The following PCCA variants were observed in gnomAD, a reference collection of about 807,000 sequenced individuals.
The protein encoded by PCCA is propionyl-CoA carboxylase subunit alpha, also known as propionyl-CoA carboxylase alpha chain, mitochondrial.
In PCCA, 74 loss-of-function variants were observed where a neutral mutation model predicts 101.3. The ratio of observed to expected loss-of-function variants is 0.73; its 90% CI spans 0.61 to 0.89. The LOEUF (loss-of-function observed/expected upper bound fraction) is 0.89. Among genes scored for constraint, PCCA ranks in the 40% least tolerant of loss-of-function variants. The pLI is 0.00. For missense variants in PCCA, 891 were observed against 907.0 expected, an observed-to-expected ratio of 0.98 and a Z score of 0.23; for synonymous variants, 294 against 313.6, an observed-to-expected ratio of 0.94 and a Z score of 0.66.
intron 2 of PCCA, among the ~76,000 whole-genome samples, chr13:100,107,667 G>GT (rs1319333561): frequency 1.3e-5 from 2 of 152,166 alleles, no homozygotes; most frequent in Non-Finnish European, 2.9e-5. Context: ...AGTGAACTTT[G>GT]TAAGTGATTT....
intron 19 of PCCA, among the ~76,000 whole-genome samples, chr13:100,388,370 G>A (rs2076627527): frequency 6.6e-6 from 1 of 152,142 alleles, no homozygotes; most frequent in African/African-American, 2.4e-5. Flanking sequence ...GGGCTAAGGT[G>A]GGAGGATCAA....
intron 21 of PCCA, among the ~76,000 whole-genome samples, chr13:100,458,379 C>CAG (rs1394153055): frequency 2.0e-5 from 3 of 147,778 alleles, no homozygotes; most frequent in Non-Finnish European, 4.5e-5. Context: ...CACACACACA[C>CAG]ACACACACGC....
At chr13:100,492,996 G>T (rs558816853) in intron 21 of PCCA, among the ~76,000 whole-genome samples, 40 of 152,076 alleles carry the variant, frequency 2.6e-4, no homozygotes, top group African/African-American at 9.6e-4. Context: ...GCTGGACAAA[G>T]ACTTGGGTAC....
chr13:100,335,279 A>AT (rs1555423815), intron 17 of PCCA, among the ~76,000 whole-genome samples: 2 of 152,124 alleles, frequency 1.3e-5, no homozygotes, highest in African/African-American at 2.4e-5. Flanking sequence ...AAATATACAT[A>AT]TTTTTCCCCC....
chr13:100,465,737 C>A (rs1055110996), intron 21 of PCCA, among the ~76,000 whole-genome samples: 1 of 152,106 alleles, frequency 6.6e-6, no homozygotes, highest in African/African-American at 2.4e-5. Context: ...AAATTGTCTC[C>A]AAATATTGCC....
chr13:100,215,760 C>G (rs899926020), intron 7 of PCCA, among the ~76,000 whole-genome samples: 2 of 152,100 alleles, frequency 1.3e-5, no homozygotes, highest in African/African-American at 4.8e-5. Context: ...CCACCTCAGC[C>G]TCTCAAGTAG....
At chr13:100,145,030 G>A (rs1397898415) in intron 4 of PCCA, among the ~76,000 whole-genome samples, 2 of 152,156 alleles carry the variant, frequency 1.3e-5, no homozygotes, top group African/African-American at 2.4e-5. Context: ...CAGATGATTC[G>A]TAAACAGGTA....
chr13:100,282,150 T>C (rs913777543), intron 12 of PCCA, among the ~76,000 whole-genome samples: 6 of 152,254 alleles, frequency 3.9e-5, no homozygotes, highest in African/African-American at 1.4e-4. Flanking sequence ...TGTAGGTATT[T>C]GCTTATTGTT....
In PCCA at chr13:100,123,180, C is replaced by T. The variant is rs374016249; in HGVS notation, c.300+11119C>T. ...CAAGCATTCTCATGCCTCAGCCTCC[C>T]GAGTAGCTAGGATTACAGGTGCCTG... On this transcript the variant is annotated intron_variant, in intron 4 of 23. Coordinates refer to ENST00000376285, the MANE Select transcript of PCCA (RefSeq NM_000282.4). Among the ~76,000 whole-genome samples the T allele has an allele frequency of 1.2e-4, 19 of 152,250 alleles. No homozygotes were observed. In the East Asian group the frequency reaches 3.3e-3, roughly 26 times the overall value.
chr13:100,248,106 T>A lies in PCCA; in HGVS notation c.638-9489T>A, dbSNP rs539275070. Among the ~76,000 whole-genome samples, 194 of 152,322 alleles carry A rather than the reference T, an allele frequency of 1.3e-3. 1 individual carries two copies. The highest frequency in any genetic ancestry group is 7.7e-4 in the East Asian group (4 of 5,190). On this transcript the variant is annotated intron_variant, in intron 8 of 23. Transcript: ENST00000376285. The stretch of plus-strand genomic sequence containing the variant: ...TCTCTTGTAAGTGCACATCTAAATT[T>A]GGACTGGATTTTTATTTTATTGTTT...
chr13:100,158,359 A>G (rs889097242), intron 6 of PCCA, among the ~76,000 whole-genome samples: 8 of 152,180 alleles, frequency 5.3e-5, no homozygotes, highest in African/African-American at 1.9e-4. Flanking sequence ...TATTTTCTAG[A>G]TGGAATTTCC....
intron 18 of PCCA, among the ~76,000 whole-genome samples, chr13:100,341,970 T>TAC (rs2071402730): frequency 9.0e-6 from 1 of 110,824 alleles, no homozygotes; most frequent in Middle Eastern, 5.0e-3. Flanking sequence ...TATATATATA[T>TAC]ATATATATAT....
At chr13:100,122,879 T>C (rs1009354191) in intron 4 of PCCA, among the ~76,000 whole-genome samples, 1 of 152,204 alleles carries the variant, frequency 6.6e-6, no homozygotes, top group Non-Finnish European at 1.5e-5. Flanking sequence ...TCTTGCTGTG[T>C]CCTCACATGG....
intron 7 of PCCA, among the ~76,000 whole-genome samples, chr13:100,210,284 G>C (rs2059128587): frequency 6.6e-6 from 1 of 152,160 alleles, no homozygotes; most frequent in Non-Finnish European, 1.5e-5. Context: ...GGCCAACTTG[G>C]ATTGTTTTAA....
At chr13:100,503,090 G>A (rs754996904) in intron 21 of PCCA, among the ~76,000 whole-genome samples, 10 of 152,208 alleles carry the variant, frequency 6.6e-5, no homozygotes, top group African/African-American at 1.4e-4. Context: ...TGTCCAGTGG[G>A]AGTTGTCTGG....
chr13:100,347,383 C>A (rs1013154470), intron 18 of PCCA, among the ~76,000 whole-genome samples: 1 of 152,160 alleles, frequency 6.6e-6, no homozygotes, highest in African/African-American at 2.4e-5. Context: ...AAAATGCATT[C>A]TGAAACTCTT....
intron 21 of PCCA, among the ~76,000 whole-genome samples, chr13:100,471,629 C>T (rs550521561): frequency 3.9e-5 from 6 of 152,180 alleles, no homozygotes; most frequent in Admixed American, 1.3e-4. Context: ...ATTTGCCCAT[C>T]GGTAGAGTTT....
At chr13:100,389,451 G>A (rs530680365) in intron 19 of PCCA, among the ~76,000 whole-genome samples, 7 of 152,198 alleles carry the variant, frequency 4.6e-5, no homozygotes, top group African/African-American at 1.7e-4. Context: ...AAGAACACAT[G>A]GACACAAGGG....
intron 4 of PCCA, among the ~76,000 whole-genome samples, chr13:100,133,168 T>C (rs2050728088): frequency 6.6e-6 from 1 of 152,246 alleles, no homozygotes; most frequent in Non-Finnish European, 1.5e-5. Context: ...GATGACCTTC[T>C]TCTCATGTGC....
Sources: allele counts gnomAD v4.1 joint callset (sites outside exome capture counted in the v4.1 genomes callset), GRCh38; gene constraint gnomAD v4.1.1; transcripts MANE v1.5; gene names NCBI Gene and HGNC (gene_info 2026-07-23, HGNC 2026-07-21).